The following USH2A variants were observed in gnomAD, a reference collection of about 807,000 sequenced individuals.
USH2A encodes the protein usherin.
A neutral mutation model predicts 538.9 loss-of-function variants in USH2A; 443 were observed. The ratio of observed to expected loss-of-function variants is 0.82; its 90% CI spans 0.76 to 0.89. USH2A has a LOEUF of 0.89. Ranked by LOEUF, USH2A falls within the 40% of genes least tolerant of loss-of-function variation. The pLI is 0.00. For missense variants in USH2A, 6,633 were observed against 6,324.8 expected, an observed-to-expected ratio of 1.05 and a Z score of -1.65; for synonymous variants, 2,413 against 2,273.5, an observed-to-expected ratio of 1.06 and a Z score of -1.75.
chr1:215,855,350 G>C (rs748000418), intron 44 of USH2A, among the ~76,000 whole-genome samples: 8 of 152,076 alleles, frequency 5.3e-5, no homozygotes, highest in Non-Finnish European at 2.9e-5. Flanking sequence ...TATACACAAA[G>C]AGCTACCAAG....
chr1:216,344,501 G>T (rs996621040), intron 4 of USH2A, among the ~76,000 whole-genome samples: 2 of 152,014 alleles, frequency 1.3e-5, no homozygotes, highest in Non-Finnish European at 2.9e-5. Flanking sequence ...AGGAAAACTT[G>T]CTTTGTTTTA....
At chr1:216,070,926 C>T (rs546306489) in intron 29 of USH2A, among the ~76,000 whole-genome samples, 2 of 152,116 alleles carry the variant, frequency 1.3e-5, no homozygotes, top group South Asian at 4.2e-4. Flanking sequence ...TCTTGTTCTG[C>T]AGAATATTTC....
intron 21 of USH2A, among the ~76,000 whole-genome samples, chr1:216,145,404 G>C (rs2033677213): frequency 6.6e-6 from 1 of 152,184 alleles, no homozygotes; most frequent in South Asian, 2.1e-4. Context: ...AAGCCTAAAG[G>C]ATGTCTGAAA....
At chr1:215,716,081 A>G (rs1202735684) in intron 61 of USH2A, among the ~76,000 whole-genome samples, 1 of 151,518 alleles carries the variant, frequency 6.6e-6, no homozygotes, top group African/African-American at 2.4e-5. Context: ...CAGCAGCCAG[A>G]TGGTATCTCT....
At chr1:215,683,341 TA>T (rs1411933747) in intron 61 of USH2A, among the ~76,000 whole-genome samples, 4 of 152,156 alleles carry the variant, frequency 2.6e-5, no homozygotes, top group Non-Finnish European at 4.4e-5. Context: ...AAAGCTATAT[TA>T]AAAAATGAAG....
intron 40 of USH2A, among the ~76,000 whole-genome samples, chr1:215,898,142 C>T (rs905685672): frequency 1.5e-4 from 23 of 152,186 alleles, no homozygotes; most frequent in Non-Finnish European, 2.9e-4. Context: ...ACAGTGTATA[C>T]ACAAAGCAGA....
intron 21 of USH2A, among the ~76,000 whole-genome samples, chr1:216,117,578 C>A (rs2033037312): frequency 6.6e-6 from 1 of 152,036 alleles, no homozygotes; most frequent in Admixed American, 6.6e-5. Context: ...TAGGCATATT[C>A]AATTCAATAG....
rs1300268745 is a variant in USH2A at position 215,790,043 on chromosome 1, C to T, written c.10182+16G>A. ...ATTGTCAAATCAGCGCCTCCGAGAG[C>T]TTTTCTATCAATTACCTTCATCATC... is the stretch of plus-strand genomic sequence containing the variant. On this transcript the variant is annotated intron_variant, in intron 51 of 71. Coordinates refer to ENST00000307340, the MANE Select transcript of USH2A (RefSeq NM_206933.4). 1.9e-6 allele frequency: 3 copies of T among 1,610,860 alleles called. No homozygotes were observed. The highest frequency in any genetic ancestry group is 2.2e-5 in the East Asian group (1 of 44,848).
intron 58 of USH2A, among the ~76,000 whole-genome samples, chr1:215,755,938 T>A (rs553286205): frequency 6.6e-6 from 1 of 152,192 alleles, no homozygotes; most frequent in South Asian, 2.1e-4. Flanking sequence ...AAAGAGGTCT[T>A]GAAAATTTAC....
chr1:215,822,320 CT>C (rs1360264002), intron 47 of USH2A, among the ~76,000 whole-genome samples: 1 of 151,680 alleles, frequency 6.6e-6, no homozygotes, highest in Non-Finnish European at 1.5e-5. Flanking sequence ...TATAGTTTTA[CT>C]TGTATAGATA....
intron 34 of USH2A, among the ~76,000 whole-genome samples, chr1:215,994,078 C>A (rs1668077595): frequency 6.6e-6 from 1 of 152,082 alleles, no homozygotes; most frequent in Non-Finnish European, 1.5e-5. Context: ...TATACTTAAG[C>A]TTGGTTCAGT....
intron 43 of USH2A, among the ~76,000 whole-genome samples, chr1:215,875,285 T>C (rs1458942772): frequency 6.6e-6 from 1 of 151,364 alleles, no homozygotes; most frequent in Non-Finnish European, 1.5e-5. Context: ...TAAGAAGAAA[T>C]GCTTTTTTTT....
chr1:215,965,109 C>G (rs963851949), intron 37 of USH2A, among the ~76,000 whole-genome samples: 2 of 152,078 alleles, frequency 1.3e-5, no homozygotes, highest in African/African-American at 4.8e-5. Flanking sequence ...CATTTCTAAG[C>G]GTTCATCAGA....
rs1385456483 is a variant in USH2A, at chr1:216,332,834, A to G, written c.785-5180T>C. On this transcript the variant is annotated intron_variant, in intron 4 of 71. Transcript: ENST00000307340. ...AACAGTAGTAATAGTGACAAATAGC[A>G]GCAACAAAACAACTCTGGAAAGGGA... is the stretch of plus-strand genomic sequence containing the variant. 2.6e-5 allele frequency among the ~76,000 whole-genome samples: 4 copies of G among 152,166 alleles called. No individual in the cohort carries two copies. In the East Asian group the frequency reaches 7.7e-4, roughly 29 times the overall value.
At chr1:215,851,307 T>C (rs1664009669) in intron 44 of USH2A, among the ~76,000 whole-genome samples, 1 of 151,986 alleles carries the variant, frequency 6.6e-6, no homozygotes, top group Non-Finnish European at 1.5e-5. Flanking sequence ...TGTAGGAAGA[T>C]TAACCAAGAA....
chr1:216,341,993 A>G (rs1054241219), intron 4 of USH2A, among the ~76,000 whole-genome samples: 2 of 152,166 alleles, frequency 1.3e-5, no homozygotes, highest in African/African-American at 2.4e-5. Flanking sequence ...AAAATTGCCA[A>G]ATGGGATCTA....
chr1:216,053,454 C>CT (rs34981846), intron 30 of USH2A, among the ~76,000 whole-genome samples: 4,735 of 111,160 alleles, frequency 0.043, 112 homozygotes, highest in Middle Eastern at 0.09. Context: ...CCAGAGAAGT[C>CT]TTTTTTTTTT....
rs367843228 is a variant in USH2A, at chr1:216,077,026, C to G, written c.5572+1063G>C. On this transcript the variant is annotated intron_variant, in intron 27 of 71. Coordinates refer to ENST00000307340, the MANE Select transcript of USH2A (RefSeq NM_206933.4). ...GCTGCCTGAGAGACTTAGTGTCTTG[C>G]TATCTGCTTACTAGCCATGTGACCT... Among the ~76,000 whole-genome samples the G allele has an allele frequency of 3.3e-5, 5 of 152,070 alleles. No individual in the cohort carries two copies. In the South Asian group the frequency reaches 1.0e-3, roughly 31 times the overall value.
intron 46 of USH2A, among the ~76,000 whole-genome samples, chr1:215,839,279 A>G (rs1663611746): frequency 2.0e-5 from 3 of 152,226 alleles, no homozygotes; most frequent in African/African-American, 7.2e-5. Flanking sequence ...GAAAAATTTG[A>G]TTCTGTGATA....
Sources: gnomAD v4.1 joint callset for allele counts (sites outside exome capture counted in the v4.1 genomes callset) on GRCh38, gnomAD v4.1.1 for gene constraint, MANE v1.5 for transcripts, NCBI Gene and HGNC (gene_info 2026-07-23, HGNC 2026-07-21) for gene names.